SLC17A9: variants seen among roughly 807,000 people sequenced by gnomAD.
The protein encoded by SLC17A9 is solute carrier family 17 member 9.
A neutral mutation model predicts 55.0 loss-of-function variants in SLC17A9; 49 were observed. That is an observed-to-expected ratio of 0.89 (90% confidence interval 0.71 to 1.13). SLC17A9 has a LOEUF of 1.13. SLC17A9 is among the 50% of genes most tolerant of loss of function. SLC17A9 has a pLI of 0.00. For synonymous variants in SLC17A9, 256 were observed against 247.4 expected, an observed-to-expected ratio of 1.03 and a Z score of -0.32; for missense variants, 526 against 569.3, an observed-to-expected ratio of 0.92 and a Z score of 0.77.
intron 3 of SLC17A9, among the ~76,000 whole-genome samples, chr20:62,959,254 A>G (rs532688503): frequency 1.8e-3 from 278 of 152,334 alleles, no homozygotes; most frequent in Non-Finnish European, 2.8e-3. Flanking sequence ...CCTCGTGGGC[A>G]GCTCTGGGGA....
rs1375981534 is a variant in SLC17A9, at chr20:62,964,184, GA to G, written c.823-43del. 3 of 1,601,020 alleles carry G rather than the reference GA, an allele frequency of 1.9e-6. No individual in the cohort carries two copies. The South Asian group carries it at 3.3e-5, about 18-fold the overall frequency. The stretch of plus-strand genomic sequence containing the variant: ...CTGAGTATCCTCTTCCAGATGGCCA[GA>G]TGCCGGCCCTGGCCCCCTCTAAGGC... On this transcript the variant is annotated intron_variant, in intron 7 of 12. Coordinates refer to ENST00000370351, the MANE Select transcript of SLC17A9 (RefSeq NM_022082.4).
chr20:62,954,017 A>G (rs1245351798), intron 1 of SLC17A9, among the ~76,000 whole-genome samples: 2 of 152,024 alleles, frequency 1.3e-5, no homozygotes, highest in Admixed American at 6.6e-5. Context: ...GGCTGGTTTG[A>G]GTGGCTCCGC....
intron 3 of SLC17A9, among the ~76,000 whole-genome samples, chr20:62,957,924 A>C (rs2065555634): frequency 6.6e-6 from 1 of 151,214 alleles, no homozygotes; most frequent in African/African-American, 2.4e-5. Flanking sequence ...TGCGTGTGCA[A>C]GTGCATATGT....
At chr20:62,965,756 G>T (rs375429947) in intron 10 of SLC17A9, 31 bp downstream of exon 10, 4 of 1,604,460 alleles carry the variant, frequency 2.5e-6, no homozygotes, top group East Asian at 4.5e-5. Flanking sequence ...CCACCAGAGC[G>T]CCGTGCTGCC....
At position 62,957,141 on chromosome 20, in the gene SLC17A9, T is replaced by A. The variant is rs917867742; in HGVS notation, c.257+179T>A. ...GCTTCGTGGACACAGAGGATGCGACTCCTGGGGAAGGAGCTTGGTGGATAA... is the reference window on the plus strand; with the variant it reads ...GCTTCGTGGACACAGAGGATGCGACACCTGGGGAAGGAGCTTGGTGGATAA... On this transcript the variant is annotated intron_variant, in intron 2 of 12. Transcript: ENST00000370351. 8.2e-6 allele frequency: 8 copies of A among 979,346 alleles called. No homozygotes were observed. In the South Asian group the frequency reaches 3.3e-4, roughly 40 times the overall value. The allele number at this position is 979,346 out of a possible 1,614,324, so 60.7% of individuals were successfully genotyped here.
chr20:62,956,678 C>T, intron 1 of SLC17A9, 87 bp from the exon 2 acceptor site: 1 of 1,279,386 alleles, frequency 7.8e-7, no homozygotes, highest in Admixed American at 2.1e-5. Context: ...CCATGTCCCC[C>T]AGCCCTGAGG....
chr20:62,962,803 G>C lies in SLC17A9; in HGVS notation c.628+49G>C. 6.2e-6 allele frequency: 10 copies of C among 1,604,824 alleles called. No homozygotes were observed. The highest frequency in any genetic ancestry group is 8.5e-6 in the Non-Finnish European group (10 of 1,174,750). Reference sequence around the variant, plus strand: ...TCCCGGGCGCCCACAGCTGCCCAGTGCCTCCTCCCCTGGTGGCAGCCGCTG... The same window carrying C: ...TCCCGGGCGCCCACAGCTGCCCAGTCCCTCCTCCCCTGGTGGCAGCCGCTG... On this transcript the variant is annotated intron_variant, in intron 5 of 12. Transcript: ENST00000370351. The surrounding 1 kb of genome is among the most constrained non-coding windows in gnomAD (Gnocchi z 5.5).
chr20:62,965,553 A>G (rs536472882), intron 9 of SLC17A9, 57 bp from the exon 10 acceptor site: 2 of 1,512,718 alleles, frequency 1.3e-6, no homozygotes, highest in East Asian at 2.3e-5. Flanking sequence ...GAGTCAGGAG[A>G]GGGCCCTGCT....
Position 62,967,226 on chromosome 20 carries a change from T to C in SLC17A9, c.1148-111T>C, listed in dbSNP as rs899602362. On this transcript the variant is annotated intron_variant, in intron 12 of 12. Transcript: ENST00000370351. ...GCCCTGGGAACCATGGGGGCTCCTA[T>C]CAGGCGCTAGACCCCCAGCCCTTCC... is the stretch of plus-strand genomic sequence containing the variant. 57 of 1,307,178 alleles carry C rather than the reference T, an allele frequency of 4.4e-5. No individual in the cohort carries two copies. In the Middle Eastern group the frequency reaches 1.4e-3, roughly 32 times the overall value. The allele number at this position is 1,307,178 out of a possible 1,614,324, so 81.0% of individuals were successfully genotyped here. A position where few individuals can be genotyped will look rare whatever the true frequency, so the allele number is the denominator to read the frequency against.
rs760820970 is a variant in SLC17A9, at chr20:62,964,246, G to C, written c.841G>C (p.Val281Leu). Residue 281 changes from valine (V) to leucine (L), a missense_variant, in exon 8 of 13, where the codon GTT becomes CTT. Physicochemically the swap from Val to Leu is conservative, Grantham distance 32. Coordinates refer to ENST00000370351, the MANE Select transcript of SLC17A9 (RefSeq NM_022082.4). ...PDAKGWIFNV[V>L]PWLVAIPASL... ...CCTGCAGGGCTGGATCTTCAACGTGGTTCCTTGGTTGGTGGCGATTCCGGC... is the reference window on the plus strand; with the variant it reads ...CCTGCAGGGCTGGATCTTCAACGTGCTTCCTTGGTTGGTGGCGATTCCGGC... 3.1e-6 allele frequency: 5 copies of C among 1,614,216 alleles called. No individual in the cohort carries two copies. The South Asian group carries it at 4.4e-5, about 14-fold the overall frequency.
chr20:62,967,743 G>A lies in SLC17A9; in HGVS notation c.*243G>A, dbSNP rs180907970. 183 of 473,574 alleles carry A rather than the reference G, an allele frequency of 3.9e-4. No individual in the cohort carries two copies. The highest frequency in any genetic ancestry group is 2.6e-3 in the African/African-American group (133 of 50,926). 29.3% of individuals were successfully genotyped at this position (473,574 alleles called of 1,614,324 possible). On this transcript the variant is annotated 3_prime_UTR_variant, in exon 13 of 13. Coordinates refer to ENST00000370351, the MANE Select transcript of SLC17A9 (RefSeq NM_022082.4). ...AGTTTCCCCACCTGCCAGCGGGCTC[G>A]GCCCTGTCCTCCTCACAGGCTGGTG...
Position 62,967,870 on chromosome 20 carries a change from TC to T in SLC17A9, c.*371del, listed in dbSNP as rs1389577012. 1.7e-5 allele frequency: 3 copies of T among 178,364 alleles called. No individual in the cohort carries two copies. Among genetic ancestry groups the T allele is most frequent in the Admixed American group, 5.9e-5 (1 of 16,964 alleles). The allele number at this position is 178,364 out of a possible 1,614,324, so 11.0% of individuals were successfully genotyped here. On this transcript the variant is annotated 3_prime_UTR_variant, in exon 13 of 13. Transcript: ENST00000370351. Reference sequence around the variant, plus strand: ...GCCAAACCTCCCTCGGTCGCCGTGTTCTCCGCAAGCCTCCTGCAGCGCCCGC... The same window carrying T: ...GCCAAACCTCCCTCGGTCGCCGTGTTTCCGCAAGCCTCCTGCAGCGCCCGC...
intron 1 of SLC17A9, among the ~76,000 whole-genome samples, chr20:62,955,295 C>G (rs1294890702): frequency 1.3e-5 from 2 of 151,766 alleles, no homozygotes; most frequent in African/African-American, 4.8e-5. Flanking sequence ...TTACAGGCAC[C>G]CGCCACTACG....
chr20:62,966,789 C>A (rs111819136), intron 12 of SLC17A9, 57 bp downstream of exon 12: 6 of 1,581,496 alleles, frequency 3.8e-6, no homozygotes, highest in African/African-American at 2.7e-5. Flanking sequence ...TTGAGGCCAC[C>A]GAGGTGCTGC....
At position 62,957,582 on chromosome 20, in the gene SLC17A9, T is replaced by C. The variant is rs746523613; in HGVS notation, c.397+2T>C. On this transcript the variant is annotated splice_donor_variant, in intron 3 of 12. Transcript: ENST00000370351. LOFTEE classifies it high-confidence loss of function. ...GCATCCTCATGGGCTTGCTCCAAGG[T>C]AAGGGGAGCTCAGGCGGCTCCCTCA... 3 of 1,541,190 alleles carry C rather than the reference T, an allele frequency of 1.9e-6. No individual in the cohort carries two copies. The highest frequency in any genetic ancestry group is 4.2e-5 in the Admixed American group (2 of 47,318).
In SLC17A9 at chr20:62,960,854, G is replaced by A. The variant is rs115062492; in HGVS notation, c.497+251G>A. Among the ~76,000 whole-genome samples, 667 of 152,378 alleles carry A rather than the reference G, an allele frequency of 4.4e-3. 5 individuals are homozygous for A. Among genetic ancestry groups the A allele is most frequent in the African/African-American group, 0.016 (654 of 41,588 alleles). ...CTGGCAGGTGATGAGGCTGGGACTTGGGGACATGGGTTGGAGGAGTGGCCA... is the reference window on the plus strand; with the variant it reads ...CTGGCAGGTGATGAGGCTGGGACTTAGGGACATGGGTTGGAGGAGTGGCCA... On this transcript the variant is annotated intron_variant, in intron 4 of 12. Coordinates refer to ENST00000370351, the MANE Select transcript of SLC17A9 (RefSeq NM_022082.4).
chr20:62,961,359 T>C lies in SLC17A9; in HGVS notation c.497+756T>C, dbSNP rs534978164. ...GGGCGGCTTGTCCTCAGGGTGGGCCTATCAGCTGGCTGGAGGGCGGCTTGT... is the reference window on the plus strand; with the variant it reads ...GGGCGGCTTGTCCTCAGGGTGGGCCCATCAGCTGGCTGGAGGGCGGCTTGT... On this transcript the variant is annotated intron_variant, in intron 4 of 12. Transcript: ENST00000370351. Among the ~76,000 whole-genome samples, 3 of 151,572 alleles carry C rather than the reference T, an allele frequency of 2.0e-5. No homozygotes were observed. In the East Asian group the frequency reaches 5.9e-4, roughly 30 times the overall value.
At chr20:62,960,942 C>T (rs181612934) in intron 4 of SLC17A9, among the ~76,000 whole-genome samples, 8 of 152,392 alleles carry the variant, frequency 5.2e-5, no homozygotes, top group Admixed American at 2.0e-4. Context: ...CATCCGCTGG[C>T]CCCCACCCTC....
Position 62,952,751 on chromosome 20 carries a change from C to G in SLC17A9, c.-80C>G. ...GACTGACACGTGGACTTGGGCGGTG[C>G]TGCCCGGGTGGGTCAGCCTGGGCTG... On this transcript the variant is annotated 5_prime_UTR_variant, in exon 1 of 13. Transcript: ENST00000370351. The G allele has an allele frequency of 1.4e-6, 2 of 1,438,844 alleles. No individual in the cohort carries two copies. Among genetic ancestry groups the G allele is most frequent in the Non-Finnish European group, 1.9e-6 (2 of 1,075,228 alleles). The allele number at this position is 1,438,844 out of a possible 1,614,324, so 89.1% of individuals were successfully genotyped here.
Sources: allele counts gnomAD v4.1 joint callset (sites outside exome capture counted in the v4.1 genomes callset), GRCh38; gene constraint gnomAD v4.1.1; non-coding constraint Gnocchi (gnomAD v3.1); transcripts MANE v1.5; gene names NCBI Gene and HGNC (gene_info 2026-07-23, HGNC 2026-07-21).